DMD: variants seen among roughly 807,000 people sequenced by gnomAD.
The protein encoded by DMD is dystrophin.
DMD carries 63 observed loss-of-function variants against 330.1 expected under a neutral mutation model. The observed-to-expected ratio is 0.19, with a 90% CI of 0.16 to 0.24. The LOEUF (loss-of-function observed/expected upper bound fraction) is 0.24. DMD is among the 10% of genes least tolerant of loss of function. The pLI, the probability that DMD is intolerant of heterozygous loss-of-function variation, is 1.00. For missense variants in DMD, 3,344 were observed against 2,684.1 expected (o/e 1.25, Z -5.43); for synonymous variants, 1,223 against 959.8 (o/e 1.27, Z -5.07).
intron 15 of DMD, among the ~76,000 whole-genome samples, chrX:32,572,079 T>A (rs2052486638): frequency 8.9e-6 from 1 of 112,149 alleles, no homozygotes; most frequent in South Asian, 3.7e-4. Flanking sequence ...CAGGTTACTT[T>A]TCTGAACTCT....
At chrX:31,344,193 T>A (rs1002166428) in intron 61 of DMD, among the ~76,000 whole-genome samples, 1 of 111,193 alleles carries the variant, frequency 9.0e-6, no homozygotes, top group African/African-American at 3.3e-5. Context: ...CTGGTGCAAT[T>A]TTCTAGAGGT....
At chrX:32,928,954 C>A (rs1016413179) in intron 2 of DMD, among the ~76,000 whole-genome samples, 1 of 111,732 alleles carries the variant, frequency 8.9e-6, no homozygotes, top group Admixed American at 9.5e-5. Context: ...TTACCCATAA[C>A]GTAAAGGAAG....
intron 50 of DMD, among the ~76,000 whole-genome samples, chrX:31,784,702 G>A (rs1421479810): frequency 2.7e-5 from 3 of 111,368 alleles, no homozygotes; most frequent in Non-Finnish European, 5.7e-5. Flanking sequence ...ATATTGGGTT[G>A]CAGCATGATA....
At chrX:31,947,990 T>G (rs760602677) in intron 45 of DMD, among the ~76,000 whole-genome samples, 2 of 111,093 alleles carry the variant, frequency 1.8e-5, no homozygotes, top group African/African-American at 6.6e-5. Context: ...ATTATATAAC[T>G]GAAACTTTAT....
chrX:32,435,950 T>C (rs1017794813), intron 29 of DMD, among the ~76,000 whole-genome samples: 10 of 112,061 alleles, frequency 8.9e-5, no homozygotes, highest in Non-Finnish European at 1.9e-4. Flanking sequence ...TCCCACCATG[T>C]CCAATGAATA....
chrX:31,174,358 A>C (rs2040304959), intron 71 of DMD, among the ~76,000 whole-genome samples: 1 of 112,000 alleles, frequency 8.9e-6, no homozygotes, highest in African/African-American at 3.2e-5. Flanking sequence ...TTTTGTATAT[A>C]AACACCTATC....
At chrX:31,408,348 T>C (rs2061492861) in intron 60 of DMD, among the ~76,000 whole-genome samples, 1 of 112,343 alleles carries the variant, frequency 8.9e-6, no homozygotes, top group Non-Finnish European at 1.9e-5. Flanking sequence ...ATTAAGCCTC[T>C]TTCTCCTGCG....
intron 1 of DMD, among the ~76,000 whole-genome samples, chrX:33,026,633 G>A (rs1350456194): frequency 9.0e-6 from 1 of 111,274 alleles, no homozygotes; most frequent in Non-Finnish European, 1.9e-5. Context: ...TTAAATCTGA[G>A]TAATAGTCTT....
intron 44 of DMD, among the ~76,000 whole-genome samples, chrX:31,998,200 A>G (rs1413911601): frequency 8.9e-6 from 1 of 112,000 alleles, no homozygotes; most frequent in Non-Finnish European, 1.9e-5. Flanking sequence ...GATTTCAAGT[A>G]TCCTAACAGT....
intron 63 of DMD, among the ~76,000 whole-genome samples, chrX:31,247,600 CAA>C (rs61281481): frequency 0.27 from 20,278 of 74,121 alleles, 2,056 homozygotes; most frequent in East Asian, 0.43. Flanking sequence ...GACTGTGTCT[CAA>C]AAAAAAAAAA....
intron 44 of DMD, among the ~76,000 whole-genome samples, chrX:32,128,220 C>G (rs1024842804): frequency 3.6e-5 from 4 of 112,018 alleles, no homozygotes; most frequent in Non-Finnish European, 7.5e-5. Context: ...CAATGTTAAT[C>G]TAGTCAACAA....
intron 7 of DMD, among the ~76,000 whole-genome samples, chrX:32,738,487 A>T (rs1701572946): frequency 9.0e-6 from 1 of 111,616 alleles, no homozygotes; most frequent in Non-Finnish European, 1.9e-5. Context: ...TAATAAAGCA[A>T]TTGTAAGGCT....
chrX:32,475,990 G>A (rs1233065070), intron 21 of DMD, among the ~76,000 whole-genome samples: 1 of 110,831 alleles, frequency 9.0e-6, no homozygotes, highest in African/African-American at 3.3e-5. Flanking sequence ...AATCCAAAAG[G>A]GACCTTATAA....
At chrX:31,648,882 G>A (rs2148557564) in intron 54 of DMD, among the ~76,000 whole-genome samples, 1 of 109,459 alleles carries the variant, frequency 9.1e-6, no homozygotes, top group African/African-American at 3.3e-5. Context: ...CTAGAATTGT[G>A]CAGAAAAAAA....
chrX:31,258,541 G>C (rs1022646447), intron 63 of DMD, among the ~76,000 whole-genome samples: 1 of 112,546 alleles, frequency 8.9e-6, no homozygotes, highest in Non-Finnish European at 1.9e-5. Flanking sequence ...GGCTGGAATT[G>C]ATCACACACT....
intron 67 of DMD, among the ~76,000 whole-genome samples, chrX:31,199,774 T>TTC (rs959735440): frequency 8.9e-6 from 1 of 112,215 alleles, no homozygotes; most frequent in Non-Finnish European, 1.9e-5. Context: ...AATGCACTTG[T>TTC]AGGATAAACA....
chrX:32,652,598 C>T (rs1358685212), intron 9 of DMD, among the ~76,000 whole-genome samples: 6 of 110,737 alleles, frequency 5.4e-5, no homozygotes, highest in East Asian at 5.7e-4. Context: ...AATAAACATA[C>T]GTGTGCATCT....
intron 1 of DMD, among the ~76,000 whole-genome samples, chrX:33,225,606 A>C: frequency 8.9e-6 from 1 of 112,155 alleles, no homozygotes; most frequent in East Asian, 2.8e-4. Flanking sequence ...AACACAAAAT[A>C]ATAAATATTT....
intron 15 of DMD, 27 bp from the exon 16 acceptor site, chrX:32,565,908 T>C (rs374905028): frequency 6.8e-5 from 80 of 1,175,009 alleles, no homozygotes; most frequent in Non-Finnish European, 9.1e-5. Flanking sequence ...GATCACAGAA[T>C]AAGCCTGGGT....
Sources: allele counts gnomAD v4.1 joint callset (sites outside exome capture counted in the v4.1 genomes callset), GRCh38; gene constraint gnomAD v4.1.1; transcripts MANE v1.5; gene names NCBI Gene and HGNC (gene_info 2026-07-23, HGNC 2026-07-21).